The following PTPDC1 variants were observed in gnomAD, a reference collection of about 807,000 sequenced individuals.
PTPDC1 encodes protein tyrosine phosphatase domain containing 1.
A neutral mutation model predicts 75.3 loss-of-function variants in PTPDC1; 53 were observed. The ratio of observed to expected loss-of-function variants is 0.70; its 90% CI spans 0.56 to 0.88. The LOEUF (loss-of-function observed/expected upper bound fraction) is 0.88. Ranked by LOEUF, PTPDC1 falls within the 40% of genes least tolerant of loss-of-function variation. The pLI is 0.00. For synonymous variants in PTPDC1, 349 were observed against 366.2 expected (o/e 0.95, Z 0.54); for missense variants, 925 against 998.6 (o/e 0.93, Z 0.99).
chr9:94,046,399 G>C (rs901952150), intron 1 of PTPDC1, among the ~76,000 whole-genome samples: 15 of 152,156 alleles, frequency 9.9e-5, no homozygotes, highest in Non-Finnish European at 2.9e-5. Context: ...TCGGTAGCTT[G>C]ATGGGGATGG....
Position 94,088,189 on chromosome 9 carries a change from A to C in PTPDC1, c.542A>C (p.His181Pro). The change falls in exon 4 of 9, where the codon CAT (histidine) becomes CCT (proline). Residue 181 changes from histidine to proline, a missense_variant. Transcript: ENST00000620992. ...ATCAACCTCCAGCGCCCTGGTGAGC[A>C]TGCTAGCTGTGGGAACCCTCTGGAA... ...TIINLQRPGE[H>P]ASCGNPLEQE... 1 of 1,613,950 alleles carries C rather than the reference A, an allele frequency of 6.2e-7. No homozygotes were observed. The highest frequency in any genetic ancestry group is 8.5e-7 in the Non-Finnish European group (1 of 1,179,942).
chr9:94,071,086 G>A (rs781110179), intron 2 of PTPDC1, among the ~76,000 whole-genome samples: 4 of 152,034 alleles, frequency 2.6e-5, no homozygotes, highest in East Asian at 1.9e-4. Flanking sequence ...ATATGAAACC[G>A]CCAAACTGTT....
chr9:94,084,922 TAA>T, intron 1 of PTPDC1, 148 bp downstream of exon 1: 1 of 625,228 alleles, frequency 1.6e-6, no homozygotes, highest in Non-Finnish European at 2.7e-6. Flanking sequence ...AGTGAATATA[TAA>T]GAGGATATAA....
At chr9:94,100,513 T>C (rs1285946728) in intron 6 of PTPDC1, 2 of 152,228 alleles carry the variant, frequency 1.3e-5, no homozygotes, top group Non-Finnish European at 2.9e-5. Context: ...TGTGGCATAA[T>C]AGAAACAGCA....
upstream of PTPDC1, among the ~76,000 whole-genome samples, chr9:94,082,684 C>T (rs143559083): frequency 6.6e-6 from 1 of 152,312 alleles, no homozygotes; most frequent in Non-Finnish European, 1.5e-5. Context: ...GAAAGGGCTG[C>T]TTTCACCTTG....
chr9:94,091,160 A>T (rs570042841), intron 4 of PTPDC1, among the ~76,000 whole-genome samples: 1 of 150,870 alleles, frequency 6.6e-6, no homozygotes, highest in Admixed American at 6.6e-5. Flanking sequence ...GTCTTGTGCC[A>T]GTTTTCAAAG....
At chr9:94,055,473 A>T (rs1825904266) in intron 1 of PTPDC1, among the ~76,000 whole-genome samples, 1 of 152,216 alleles carries the variant, frequency 6.6e-6, no homozygotes, top group Admixed American at 6.5e-5. Flanking sequence ...GAGTGGATAA[A>T]TAAACTGTGA....
At chr9:94,068,439 C>T (rs1193546655) in intron 2 of PTPDC1, among the ~76,000 whole-genome samples, 1 of 151,828 alleles carries the variant, frequency 6.6e-6, no homozygotes, top group Non-Finnish European at 1.5e-5. Flanking sequence ...GGTTTGTCTG[C>T]TGTTTCCTCA....
At chr9:94,042,533 C>T (rs1275661632) in intron 1 of PTPDC1, among the ~76,000 whole-genome samples, 2 of 152,082 alleles carry the variant, frequency 1.3e-5, no homozygotes, top group South Asian at 2.1e-4. Flanking sequence ...AATGTATATA[C>T]GTTAATTTTA....
chr9:94,082,305 C>T (rs978173942), upstream of PTPDC1, among the ~76,000 whole-genome samples: 3 of 152,214 alleles, frequency 2.0e-5, no homozygotes, highest in African/African-American at 7.2e-5. Flanking sequence ...CCACCAGGCA[C>T]CCACTGCATT....
intron 5 of PTPDC1, 83 bp from the exon 6 acceptor site, chr9:94,097,238 T>C (rs1470792742): frequency 3.3e-6 from 3 of 904,630 alleles, no homozygotes; most frequent in South Asian, 1.7e-5. Flanking sequence ...CATATTCAAA[T>C]TGTAAATCAT....
intron 4 of PTPDC1, among the ~76,000 whole-genome samples, chr9:94,090,897 A>T (rs1462111793): frequency 1.6e-4 from 24 of 150,212 alleles, no homozygotes; most frequent in Non-Finnish European, 2.7e-4. Flanking sequence ...TTGTTGGTGT[A>T]TAAGAATGCT....
rs113724924 is a variant in PTPDC1, at chr9:94,105,834, A to G, written c.2310+1449A>G. Among the ~76,000 whole-genome samples the G allele has an allele frequency of 6.3e-3, 951 of 151,446 alleles. 12 individuals are homozygous for G. Among genetic ancestry groups the G allele is most frequent in the African/African-American group, 0.021 (864 of 41,236 alleles). The stretch of plus-strand genomic sequence containing the variant: ...AGAAATACAAAAAAATTAACTGGGT[A>G]TGGTGGCAGGCGCCTGTAGTCCCAG... On this transcript the variant is annotated intron_variant, in intron 8 of 8. Transcript: ENST00000620992.
rs998911063 is a variant in PTPDC1 at position 94,108,283 on chromosome 9, A to G, written c.*339A>G. The G allele has an allele frequency of 1.9e-5, 3 of 157,230 alleles. No individual in the cohort carries two copies. Among genetic ancestry groups the G allele is most frequent in the African/African-American group, 7.2e-5 (3 of 41,648 alleles). The allele number at this position is 157,230 out of a possible 1,614,324, so 9.7% of individuals were successfully genotyped here. A position where few individuals can be genotyped will look rare whatever the true frequency, so the allele number is the denominator to read the frequency against. On this transcript the variant is annotated 3_prime_UTR_variant, in exon 9 of 9. Transcript: ENST00000620992. ...AATAATCATAACTTGTCTTTCCAAA[A>G]TAACCATTTTCTTGATGGAACTCTT...
chr9:94,104,487 A>C (rs1827950259), intron 8 of PTPDC1, 102 bp downstream of exon 8: 2 of 683,736 alleles, frequency 2.9e-6, no homozygotes, highest in Non-Finnish European at 5.1e-6. Context: ...TAAAACATGT[A>C]TGTGTATGTT....
chr9:94,045,235 G>T (rs1014220754), intron 1 of PTPDC1, among the ~76,000 whole-genome samples: 3 of 151,744 alleles, frequency 2.0e-5, no homozygotes, highest in Non-Finnish European at 4.4e-5. Context: ...TCTTAATCCA[G>T]TCTATCATTG....
At chr9:94,041,487 A>G (rs1218307071) in intron 1 of PTPDC1, among the ~76,000 whole-genome samples, 1 of 152,218 alleles carries the variant, frequency 6.6e-6, no homozygotes, top group Non-Finnish European at 1.5e-5. Flanking sequence ...CTAAGTGATT[A>G]TTACTTGGAT....
At chr9:94,088,356 AT>A in intron 4 of PTPDC1, 93 bp downstream of exon 4, 1 of 1,401,006 alleles carries the variant, frequency 7.1e-7, no homozygotes, top group Non-Finnish European at 9.7e-7. Context: ...GATGATGGAA[AT>A]AAATACCTTC....
chr9:94,070,444 T>C (rs1049603575), intron 2 of PTPDC1, among the ~76,000 whole-genome samples: 3 of 152,182 alleles, frequency 2.0e-5, no homozygotes, highest in African/African-American at 7.2e-5. Flanking sequence ...TATATATACA[T>C]TTTTAATTAA....
Sources: gnomAD v4.1 joint callset for allele counts (sites outside exome capture counted in the v4.1 genomes callset) on GRCh38, gnomAD v4.1.1 for gene constraint, MANE v1.5 for transcripts, NCBI Gene and HGNC (gene_info 2026-07-23, HGNC 2026-07-21) for gene names.